Variants in CAMTA1 observed in about 807,000 individuals in gnomAD.
CAMTA1 encodes the protein calmodulin binding transcription activator 1, also known as calmodulin-binding transcription activator 1.
CAMTA1 carries 27 observed loss-of-function variants against 170.9 expected under a neutral mutation model. That is an observed-to-expected ratio of 0.16 (90% CI 0.12 to 0.22). The LOEUF is 0.22. Ranked by LOEUF, CAMTA1 falls within the 10% of genes least tolerant of loss-of-function variation. The pLI, the probability that CAMTA1 is intolerant of heterozygous loss-of-function variation, is 1.00. For synonymous variants in CAMTA1, 833 were observed against 891.5 expected (o/e 0.93, Z 1.17); for missense variants, 1,619 against 2,217.2 (o/e 0.73, Z 5.42).
intron 3 of CAMTA1, among the ~76,000 whole-genome samples, chr1:6,926,372 CTCTT>C (rs1490464410): frequency 1.4e-5 from 2 of 144,876 alleles, no homozygotes; most frequent in South Asian, 2.4e-4. Context: ...TCCTTCCTTT[CTCTT>C]TCTTTCTCTG....
intron 21 of CAMTA1, 95 bp from the exon 22 acceptor site, chr1:7,755,543 T>C: frequency 1.0e-6 from 1 of 972,442 alleles, no homozygotes; most frequent in Non-Finnish European, 1.7e-6. Flanking sequence ...AGAAACCATG[T>C]TATATTCTTT....
Position 6,878,217 on chromosome 1 carries a change from C to T in CAMTA1, c.234+53007C>T, listed in dbSNP as rs111646679. Among the ~76,000 whole-genome samples, 758 of 152,280 alleles carry T rather than the reference C, an allele frequency of 5.0e-3. 12 individuals carry two copies. Among genetic ancestry groups the T allele is most frequent in the African/African-American group, 0.018 (736 of 41,544 alleles). On this transcript the variant is annotated intron_variant, in intron 3 of 22. Transcript: ENST00000303635. The stretch of plus-strand genomic sequence containing the variant: ...GGAATAGGTTGTCTTATAAACTAAC[C>T]ATAATCTAATTTTGGTAGCACTCTA...
intron 4 of CAMTA1, among the ~76,000 whole-genome samples, chr1:7,145,276 G>A (rs1216961142): frequency 1.3e-5 from 2 of 152,210 alleles, no homozygotes; most frequent in Non-Finnish European, 2.9e-5. Context: ...GGGATTCCAC[G>A]TGCCTCTTTA....
intron 3 of CAMTA1, among the ~76,000 whole-genome samples, chr1:7,015,654 G>T (rs182521000): frequency 6.6e-6 from 1 of 152,288 alleles, no homozygotes; most frequent in Non-Finnish European, 1.5e-5. Flanking sequence ...CAGTGTATTC[G>T]TCTGTTTTCG....
chr1:7,320,759 C>A (rs1391801631), intron 5 of CAMTA1, among the ~76,000 whole-genome samples: 2 of 151,062 alleles, frequency 1.3e-5, no homozygotes, highest in African/African-American at 4.9e-5. Context: ...ACCAAGGGCC[C>A]AATGTGGGGC....
At chr1:7,469,707 G>A (rs1241687983) in intron 6 of CAMTA1, among the ~76,000 whole-genome samples, 1 of 152,164 alleles carries the variant, frequency 6.6e-6, no homozygotes, top group East Asian at 1.9e-4. Flanking sequence ...CCACGCCTCC[G>A]CCTGCCTCCC....
intron 3 of CAMTA1, among the ~76,000 whole-genome samples, chr1:6,909,582 G>C (rs1056316391): frequency 1.3e-5 from 2 of 152,228 alleles, no homozygotes; most frequent in African/African-American, 4.8e-5. Context: ...GGGTTTGGCT[G>C]TATGGGATTG....
intron 3 of CAMTA1, among the ~76,000 whole-genome samples, chr1:7,018,920 T>C (rs1700964881): frequency 6.6e-6 from 1 of 152,118 alleles, no homozygotes. Context: ...GACAGAAACA[T>C]GTTAGAGAAG....
chr1:7,098,161 A>T (rs1339992407), intron 4 of CAMTA1, among the ~76,000 whole-genome samples: 1 of 151,970 alleles, frequency 6.6e-6, no homozygotes, highest in African/African-American at 2.4e-5. Flanking sequence ...GTGCATGTGC[A>T]GGGGGTGCTG....
intron 5 of CAMTA1, among the ~76,000 whole-genome samples, chr1:7,310,727 TTTCTTTCTTTCTTTC>T (rs1345691839): frequency 7.1e-5 from 8 of 112,470 alleles, no homozygotes; most frequent in East Asian, 7.1e-4. Context: ...TCTTTCTTTC[TTTCTTTCTTTCTTTC>T]TTTTTTTTAA....
chr1:7,471,026 G>T (rs1045749876), intron 6 of CAMTA1, among the ~76,000 whole-genome samples: 12 of 152,220 alleles, frequency 7.9e-5, no homozygotes, highest in Admixed American at 1.3e-4. Flanking sequence ...TATCCACCCC[G>T]GGGCGGGAAT....
intron 6 of CAMTA1, among the ~76,000 whole-genome samples, chr1:7,584,214 G>T (rs961335858): frequency 6.6e-6 from 1 of 152,098 alleles, no homozygotes; most frequent in Non-Finnish European, 1.5e-5. Context: ...ACCACCATGG[G>T]GTCTTACAGT....
intron 4 of CAMTA1, among the ~76,000 whole-genome samples, chr1:7,246,017 C>T (rs1665714920): frequency 6.6e-6 from 1 of 152,170 alleles, no homozygotes; most frequent in East Asian, 1.9e-4. Flanking sequence ...CCCAGAGTGA[C>T]CCCAGCCACA....
chr1:7,762,386 C>T (rs2096983112), intron 22 of CAMTA1, among the ~76,000 whole-genome samples: 1 of 152,146 alleles, frequency 6.6e-6, no homozygotes, highest in Admixed American at 6.5e-5. Flanking sequence ...ATTTGAAACA[C>T]TCTGATTTGA....
intron 3 of CAMTA1, among the ~76,000 whole-genome samples, chr1:6,879,613 C>CTTTT (rs58610375): frequency 1.5e-5 from 2 of 132,864 alleles, no homozygotes; most frequent in Non-Finnish European, 3.2e-5. Flanking sequence ...TTCCTTTTTT[C>CTTTT]TTTTTTTTTT....
intron 4 of CAMTA1, among the ~76,000 whole-genome samples, chr1:7,212,004 AT>A (rs1658860323): frequency 6.6e-6 from 1 of 152,170 alleles, no homozygotes; most frequent in African/African-American, 2.4e-5. Context: ...TCCTGAGTAT[AT>A]TATTGTCTAA....
At chr1:7,207,259 G>A (rs894696407) in intron 4 of CAMTA1, among the ~76,000 whole-genome samples, 16 of 152,242 alleles carry the variant, frequency 1.1e-4, no homozygotes, top group South Asian at 8.3e-4. Flanking sequence ...CTTTCCACCC[G>A]CTTGGAAGAG....
At chr1:7,587,147 A>G (rs2095317043) in intron 6 of CAMTA1, among the ~76,000 whole-genome samples, 1 of 151,976 alleles carries the variant, frequency 6.6e-6, no homozygotes, top group Non-Finnish European at 1.5e-5. Flanking sequence ...ATCCCAGACC[A>G]GGTGAGAGGG....
intron 5 of CAMTA1, among the ~76,000 whole-genome samples, chr1:7,295,091 C>A (rs1452129142): frequency 1.3e-5 from 2 of 152,244 alleles, no homozygotes; most frequent in Non-Finnish European, 2.9e-5. Context: ...TGTTCAAATA[C>A]TGACTCCACC....
Sources: allele counts gnomAD v4.1 joint callset (sites outside exome capture counted in the v4.1 genomes callset), GRCh38; gene constraint gnomAD v4.1.1; transcripts MANE v1.5; gene names NCBI Gene and HGNC (gene_info 2026-07-23, HGNC 2026-07-21).